CCSER1: variants seen among roughly 807,000 people sequenced by gnomAD.
CCSER1 encodes serine-rich coiled-coil domain-containing protein 1.
A neutral mutation model predicts 82.0 loss-of-function variants in CCSER1; 41 were observed. The ratio of observed to expected loss-of-function variants is 0.50; its 90% CI spans 0.39 to 0.65. The LOEUF is 0.65. Among genes scored for constraint, CCSER1 ranks in the 30% least tolerant of loss-of-function variants. CCSER1 has a pLI of 0.00. For missense variants in CCSER1, 1,119 were observed against 1,064.2 expected (o/e 1.05, Z -0.72); for synonymous variants, 414 against 383.9 (o/e 1.08, Z -0.92).
At chr4:91,283,022 T>C (rs1053010343) in intron 10 of CCSER1, among the ~76,000 whole-genome samples, 1 of 152,092 alleles carries the variant, frequency 6.6e-6, no homozygotes, top group African/African-American at 2.4e-5. Flanking sequence ...GATATTCTTG[T>C]CATTTCTAAG....
chr4:90,482,118 C>A (rs930108421), intron 5 of CCSER1, among the ~76,000 whole-genome samples: 1 of 152,072 alleles, frequency 6.6e-6, no homozygotes, highest in East Asian at 1.9e-4. Flanking sequence ...GTGTGTTGAG[C>A]AATTTATCCA....
chr4:90,220,351 A>G (rs896315381), intron 1 of CCSER1, among the ~76,000 whole-genome samples: 5 of 152,108 alleles, frequency 3.3e-5, no homozygotes, highest in Admixed American at 6.6e-5. Context: ...ACTTATCTCA[A>G]AACAACAAAC....
chr4:91,529,030 T>C (rs1760902625), intron 10 of CCSER1, among the ~76,000 whole-genome samples: 1 of 152,128 alleles, frequency 6.6e-6, no homozygotes, highest in Non-Finnish European at 1.5e-5. Context: ...TGTGACCAAT[T>C]TTGTTTCTCA....
intron 1 of CCSER1, among the ~76,000 whole-genome samples, chr4:90,242,495 G>A (rs949872583): frequency 1.3e-5 from 2 of 152,144 alleles, no homozygotes; most frequent in East Asian, 3.9e-4. Flanking sequence ...GAACAAAAAA[G>A]CATATGAAAA....
At chr4:90,580,660 G>A (rs1781327269) in intron 5 of CCSER1, among the ~76,000 whole-genome samples, 1 of 152,106 alleles carries the variant, frequency 6.6e-6, no homozygotes, top group African/African-American at 2.4e-5. Context: ...CCTTTTCCTG[G>A]GAATATGCAG....
intron 10 of CCSER1, among the ~76,000 whole-genome samples, chr4:91,154,038 G>C (rs916238015): frequency 1.3e-5 from 2 of 152,002 alleles, no homozygotes; most frequent in Admixed American, 6.5e-5. Flanking sequence ...CTTCAAAGCT[G>C]TCAGACTGGG....
At chr4:90,545,363 T>C (rs563072396) in intron 5 of CCSER1, among the ~76,000 whole-genome samples, 1 of 152,250 alleles carries the variant, frequency 6.6e-6, no homozygotes, top group Admixed American at 6.5e-5. Flanking sequence ...ATTTCAATTT[T>C]TTCCCTCCTA....
intron 7 of CCSER1, among the ~76,000 whole-genome samples, chr4:90,730,066 C>G (rs1263076398): frequency 6.6e-6 from 1 of 152,096 alleles, no homozygotes; most frequent in Non-Finnish European, 1.5e-5. Flanking sequence ...TGGGGAAACA[C>G]CCATTGTGAA....
chr4:90,784,241 T>C (rs1754181494), intron 7 of CCSER1, among the ~76,000 whole-genome samples: 1 of 152,210 alleles, frequency 6.6e-6, no homozygotes, highest in Admixed American at 6.5e-5. Context: ...CGTGACTAGC[T>C]GAATAATTCT....
rs180772701 is a variant in CCSER1 at position 91,329,007 on chromosome 4, G to A, written c.2217+243013G>A. Among the ~76,000 whole-genome samples the A allele has an allele frequency of 8.7e-3, 1,299 of 149,440 alleles. 10 individuals carry two copies. Among genetic ancestry groups the A allele is most frequent in the Admixed American group, 0.016 (240 of 15,098 alleles). ...CTTTGCTCCTCATTTGCCTTCTGAC[G>A]TGATTGTGAGGCCTCCTCAGCCATG... On this transcript the variant is annotated intron_variant, in intron 10 of 10. Transcript: ENST00000509176.
At chr4:90,537,383 T>C (rs895273876) in intron 5 of CCSER1, among the ~76,000 whole-genome samples, 6 of 152,134 alleles carry the variant, frequency 3.9e-5, no homozygotes, top group African/African-American at 1.4e-4. Context: ...GAATTTTCAT[T>C]CGAGTTTTTT....
intron 9 of CCSER1, among the ~76,000 whole-genome samples, chr4:91,021,582 T>G (rs774163628): frequency 6.6e-6 from 1 of 152,194 alleles, no homozygotes; most frequent in Non-Finnish European, 1.5e-5. Flanking sequence ...AAAACATTGT[T>G]TTGTGTCTTT....
At chr4:91,082,653 T>G (rs980430035) in intron 9 of CCSER1, among the ~76,000 whole-genome samples, 3 of 152,000 alleles carry the variant, frequency 2.0e-5, no homozygotes, top group African/African-American at 7.2e-5. Context: ...ATTTTTACAA[T>G]CTACCCATCT....
rs1728495562 is a variant in CCSER1 at position 90,157,540 on chromosome 4, T to C, written c.-42+29709T>C. 2.6e-5 allele frequency among the ~76,000 whole-genome samples: 4 copies of C among 152,224 alleles called. No individual in the cohort carries two copies. The South Asian group carries it at 8.3e-4, about 31-fold the overall frequency. ...CAGACGTAGATTTGGTGTTTTCACA[T>C]AGTCCCATATTTCTTGGAGGCTTTG... On this transcript the variant is annotated intron_variant, in intron 1 of 10. Coordinates refer to ENST00000509176, the MANE Select transcript of CCSER1 (RefSeq NM_001145065.2).
At chr4:90,746,059 T>C (rs1343809290) in intron 7 of CCSER1, among the ~76,000 whole-genome samples, 1 of 152,128 alleles carries the variant, frequency 6.6e-6, no homozygotes, top group Non-Finnish European at 1.5e-5. Context: ...ACTTTCCATT[T>C]AGTGCCCAAT....
At chr4:91,113,938 C>CGCCTCCTGAGTTCACGCCG (rs1726322275) in intron 10 of CCSER1, among the ~76,000 whole-genome samples, 1 of 151,850 alleles carries the variant, frequency 6.6e-6, no homozygotes, top group Non-Finnish European at 1.5e-5. Context: ...CTGCAAGCTC[C>CGCCTCCTGAGTTCACGCCG]GCCTCCTGAG....
chr4:91,314,378 C>A (rs28716378), intron 10 of CCSER1, among the ~76,000 whole-genome samples: 52 of 152,014 alleles, frequency 3.4e-4, no homozygotes, highest in Admixed American at 7.9e-4. Flanking sequence ...ATCTAGGGAA[C>A]CTTATAATCC....
chr4:90,848,013 G>A (rs2149910369), intron 8 of CCSER1, among the ~76,000 whole-genome samples: 1 of 152,224 alleles, frequency 6.6e-6, no homozygotes, highest in African/African-American at 2.4e-5. Context: ...TAAGACTGAT[G>A]TTTCTCATTT....
At chr4:91,432,291 A>G (rs780016961) in intron 10 of CCSER1, among the ~76,000 whole-genome samples, 7 of 152,218 alleles carry the variant, frequency 4.6e-5, no homozygotes, top group Non-Finnish European at 7.3e-5. Context: ...ATAATGGACT[A>G]CTACAATAAT....
Sources: gnomAD v4.1 joint callset for allele counts (sites outside exome capture counted in the v4.1 genomes callset) on GRCh38, gnomAD v4.1.1 for gene constraint, MANE v1.5 for transcripts, NCBI Gene and HGNC (gene_info 2026-07-23, HGNC 2026-07-21) for gene names.